The following NIN variants were observed in gnomAD, a reference collection of about 807,000 sequenced individuals.
NIN encodes the protein ninein.
NIN carries 137 observed loss-of-function variants against 257.6 expected under a neutral mutation model. That is an observed-to-expected ratio of 0.53 (90% CI 0.46 to 0.61). The LOEUF is 0.61. Among genes scored for constraint, NIN ranks in the 20% least tolerant of loss-of-function variants. The pLI, the probability that NIN is intolerant of heterozygous loss-of-function variation, is 0.00. For missense variants in NIN, 2,439 were observed against 2,501.2 expected (o/e 0.98, Z 0.53); for synonymous variants, 918 against 919.8 (o/e 1.00, Z 0.04).
chr14:50,740,848 A>G (rs1383095526), intron 25 of NIN, among the ~76,000 whole-genome samples: 1 of 152,226 alleles, frequency 6.6e-6, no homozygotes, highest in Non-Finnish European at 1.5e-5. Flanking sequence ...CTTTTATTGT[A>G]GGACAAAATC....
intron 7 of NIN, among the ~76,000 whole-genome samples, 181 bp downstream of exon 7, chr14:50,776,768 T>C (rs531315837): frequency 3.9e-5 from 6 of 152,282 alleles, no homozygotes; most frequent in African/African-American, 1.2e-4. Context: ...CTCTTGTCAG[T>C]TTTTCTTTTT....
intron 2 of NIN, chr14:50,823,241 C>T (rs778799814): frequency 1.7e-6 from 1 of 576,180 alleles, no homozygotes; most frequent in Admixed American, 1.9e-5. Context: ...TCTGAAGATG[C>T]CTTCGCCATG....
Position 50,756,692 on chromosome 14 carries a change from C to A in NIN, c.4338G>T (p.Gln1446His). The A allele has an allele frequency of 2.6e-6, 4 of 1,551,716 alleles. No individual in the cohort carries two copies. In the South Asian group the frequency reaches 4.8e-5, roughly 18 times the overall value. ...CTAACTCTGCTATGGTGGCCTGATGCTGAAAATGTTTGTCTTGAAAGCCTA... is the reference window on the plus strand; with the variant it reads ...CTAACTCTGCTATGGTGGCCTGATGATGAAAATGTTTGTCTTGAAAGCCTA... ...TLLGFQDKHF[Q>H]HQATIAELEL... The change falls in exon 18 of 31, where the codon CAG (glutamine) becomes CAT (histidine). Residue 1446 changes from glutamine to histidine, a missense_variant. This residue lies in a region of NIN where 2,043 missense variants were observed against 2,050.2 expected (regional missense o/e 1.00). Transcript: ENST00000530997.
intron 29 of NIN, 141 bp from the exon 30 acceptor site, chr14:50,726,207 G>A: frequency 3.1e-6 from 2 of 653,420 alleles, no homozygotes; most frequent in East Asian, 2.7e-5. Flanking sequence ...TGAAATGAGA[G>A]TTTTGAGCCC....
intron 21 of NIN, among the ~76,000 whole-genome samples, chr14:50,748,764 G>A (rs2041663183): frequency 6.6e-6 from 1 of 152,148 alleles, no homozygotes; most frequent in Admixed American, 6.5e-5. Flanking sequence ...GGACATGAAG[G>A]ACCTCTTCAA....
chr14:50,782,213 T>C (rs1386438734), intron 5 of NIN, among the ~76,000 whole-genome samples: 1 of 152,228 alleles, frequency 6.6e-6, no homozygotes, highest in Non-Finnish European at 1.5e-5. Flanking sequence ...CTTTTAGTAA[T>C]GTAAATGGCT....
At chr14:50,727,185 C>T in intron 29 of NIN, 1 of 776,346 alleles carries the variant, frequency 1.3e-6, no homozygotes, top group South Asian at 6.0e-5. Context: ...ATTCAAAGAA[C>T]ATAGAGTTGG....
rs1305110610 is a variant in NIN at position 50,754,458 on chromosome 14, T to C, written c.4734+105A>G. 4 of 847,718 alleles carry C rather than the reference T, an allele frequency of 4.7e-6. No individual in the cohort carries two copies. In the African/African-American group the frequency reaches 6.9e-5, roughly 15 times the overall value. The allele number at this position is 847,718 out of a possible 1,614,324, so 52.5% of individuals were successfully genotyped here. On this transcript the variant is annotated intron_variant, in intron 20 of 30. Transcript: ENST00000530997. Reference sequence around the variant, plus strand: ...TTCAGAATTTACAACCTTACCATCATTAGCTATATGCTATTCATTACCGTG... The same window carrying C: ...TTCAGAATTTACAACCTTACCATCACTAGCTATATGCTATTCATTACCGTG...
intron 3 of NIN, among the ~76,000 whole-genome samples, chr14:50,810,217 T>C (rs147069215): frequency 0.026 from 3,438 of 133,168 alleles, 142 homozygotes; most frequent in African/African-American, 0.095. Context: ...GGCGACAGAG[T>C]GAGACTCCGT....
chr14:50,796,476 G>C (rs1377988542), intron 4 of NIN, among the ~76,000 whole-genome samples: 3 of 152,138 alleles, frequency 2.0e-5, no homozygotes, highest in Non-Finnish European at 4.4e-5. Context: ...AAAATACTAT[G>C]CCTTCGGGCC....
chr14:50,743,625 C>A, intron 23 of NIN, 96 bp from the exon 24 acceptor site: 1 of 712,334 alleles, frequency 1.4e-6, no homozygotes, highest in South Asian at 1.6e-5. Context: ...AGAACAAGTA[C>A]CATCTATTTA....
chr14:50,764,853 TG>T (rs2042412105), intron 14 of NIN, among the ~76,000 whole-genome samples: 1 of 151,864 alleles, frequency 6.6e-6, no homozygotes, highest in South Asian at 2.1e-4. Flanking sequence ...GGTTTCTTCC[TG>T]GGGTGATGAA....
At chr14:50,772,078 T>A in intron 9 of NIN, 2 of 463,210 alleles carry the variant, frequency 4.3e-6, no homozygotes, top group Non-Finnish European at 7.8e-6. Context: ...ATTGTAAGAG[T>A]ATTTCTCATG....
chr14:50,816,806 G>T (rs1479679412), intron 3 of NIN, among the ~76,000 whole-genome samples: 1 of 152,108 alleles, frequency 6.6e-6, no homozygotes, highest in Non-Finnish European at 1.5e-5. Flanking sequence ...AGAAGAGAAT[G>T]GCCATTTAGC....
rs566190235 is a variant in NIN at position 50,736,488 on chromosome 14, C to T, written c.5776-871G>A. On this transcript the variant is annotated intron_variant, in intron 27 of 30. Transcript: ENST00000530997. ...AAGAACCTAGTGAGCTAGAGGACAC[C>T]GAGTCAGAATATTGCTCAGTAAAAA... Among the ~76,000 whole-genome samples the T allele has an allele frequency of 5.3e-5, 8 of 152,122 alleles. No homozygotes were observed. The South Asian group carries it at 1.2e-3, about 24-fold the overall frequency.
intron 26 of NIN, among the ~76,000 whole-genome samples, chr14:50,739,092 T>C (rs1247465523): frequency 3.3e-5 from 5 of 152,214 alleles, no homozygotes; most frequent in Non-Finnish European, 7.3e-5. Flanking sequence ...GTCACAAATA[T>C]ATTTTAATAT....
rs1449188991 is a variant in NIN, at chr14:50,744,368, G to A, written c.5065-3C>T. ...GAGAGATCGGGACATCTGTGCAGCT[G>A]TAAGAGATAAACAAATGAGCCCTCC... On this transcript the variant is annotated splice_region_variant and splice_polypyrimidine_tract_variant and intron_variant, in intron 22 of 30. Transcript: ENST00000530997. 2.5e-6 allele frequency: 4 copies of A among 1,613,340 alleles called. No homozygotes were observed. Among genetic ancestry groups the A allele is most frequent in the Middle Eastern group, 1.6e-4 (1 of 6,080 alleles).
chr14:50,729,862 C>T (rs2040603123), intron 28 of NIN, 139 bp from the exon 29 acceptor site: 4 of 589,466 alleles, frequency 6.8e-6, no homozygotes, highest in African/African-American at 1.9e-5. Flanking sequence ...AACAGGACAG[C>T]ATATGGGCCC....
At chr14:50,809,460 G>GAATGAA (rs2044482274) in intron 3 of NIN, among the ~76,000 whole-genome samples, 1 of 152,142 alleles carries the variant, frequency 6.6e-6, no homozygotes, top group African/African-American at 2.4e-5. Flanking sequence ...GGAGGGGACT[G>GAATGAA]AATGAAACGT....
Sources: allele counts gnomAD v4.1 joint callset (sites outside exome capture counted in the v4.1 genomes callset), GRCh38; gene constraint gnomAD v4.1.1; regional missense constraint gnomAD v4.1.1; transcripts MANE v1.5; gene names NCBI Gene and HGNC (gene_info 2026-07-23, HGNC 2026-07-21).